Variants in NTMT2 observed in about 807,000 individuals in gnomAD.
The protein encoded by NTMT2 is N-terminal Xaa-Pro-Lys N-methyltransferase 2, also known as X-Pro-Lys N-terminal protein methyltransferase 1B.
NTMT2 carries 21 observed loss-of-function variants against 23.4 expected under a neutral mutation model. The observed-to-expected ratio is 0.90, with a 90% CI of 0.64 to 1.29. NTMT2 has a LOEUF of 1.29. NTMT2 is among the 50% of genes most tolerant of loss of function. The pLI is 0.00. For missense variants in NTMT2, 336 were observed against 352.0 expected, an observed-to-expected ratio of 0.95 and a Z score of 0.36; for synonymous variants, 131 against 127.7, an observed-to-expected ratio of 1.03 and a Z score of -0.17.
intron 1 of NTMT2, among the ~76,000 whole-genome samples, chr1:170,150,860 G>T (rs1673054695): frequency 6.6e-6 from 1 of 152,156 alleles, no homozygotes; most frequent in South Asian, 2.1e-4. Context: ...GAAATCTCCA[G>T]TGTGTATACC....
chr1:170,167,641 C>T lies in NTMT2; in HGVS notation c.736C>T (p.Arg246Trp), dbSNP rs766426941. ...TGTGACTCGGGACATGGACATCCTC[C>T]GGAGCCTAATAAGGAAGAGTGGGCT... ...SSVTRDMDIL[R>W]SLIRKSGLVV... The change falls in exon 4 of 4, where the codon CGG (arginine) becomes TGG (tryptophan). Residue 246 changes from arginine to tryptophan, a missense_variant. Physicochemically the swap from Arg to Trp is moderately radical, Grantham distance 101. Transcript: ENST00000439373. The T allele has an allele frequency of 7.0e-5, 109 of 1,551,542 alleles. No individual in the cohort carries two copies. The highest frequency in any genetic ancestry group is 1.7e-4 in the Middle Eastern group (1 of 6,014).
intron 1 of NTMT2, among the ~76,000 whole-genome samples, chr1:170,157,155 G>A (rs1240555809): frequency 2.0e-5 from 3 of 152,120 alleles, no homozygotes; most frequent in Non-Finnish European, 4.4e-5. Flanking sequence ...TAAGTCACTT[G>A]CTGCGTATAC....
chr1:170,146,367 CAA>C (rs1010072103), intron 1 of NTMT2, 106 bp downstream of exon 1: 1 of 1,059,200 alleles, frequency 9.4e-7, no homozygotes, highest in African/African-American at 1.7e-5. Context: ...ACTTTTCAGA[CAA>C]AAAAAACTCC....
At position 170,166,719 on chromosome 1, in the gene NTMT2, G is replaced by T. The variant is rs1040023541; in HGVS notation, c.548G>T (p.Arg183Ile). Residue 183 changes from arginine (R) to isoleucine (I), a missense_variant, in exon 3 of 4, where the codon AGA becomes ATA. Transcript: ENST00000439373. Reference sequence around the variant, plus strand: ...CAGGAATTCACACCCCCCTTCAGGAGATATGATGTCATCTGGATTCAGTGG... The same window carrying T: ...CAGGAATTCACACCCCCCTTCAGGATATATGATGTCATCTGGATTCAGTGG... ...SLQEFTPPFR[R>I]YDVIWIQWVS... is the part of the protein sequence containing the mutation. The T allele has an allele frequency of 1.3e-6, 2 of 1,552,252 alleles. No homozygotes were observed. Among genetic ancestry groups the T allele is most frequent in the African/African-American group, 2.7e-5 (2 of 73,054 alleles).
At chr1:170,154,213 G>A (rs1275850877) in intron 1 of NTMT2, among the ~76,000 whole-genome samples, 2 of 152,088 alleles carry the variant, frequency 1.3e-5, no homozygotes, top group Non-Finnish European at 2.9e-5. Context: ...GAATGTATGG[G>A]CAATCCTGGG....
At chr1:170,160,957 G>T (rs756331450) in intron 2 of NTMT2, among the ~76,000 whole-genome samples, 38 of 152,180 alleles carry the variant, frequency 2.5e-4, no homozygotes, top group Non-Finnish European at 4.0e-4. Flanking sequence ...AGGTGAATTA[G>T]CAGTGTTGAT....
intron 2 of NTMT2, 130 bp downstream of exon 2, chr1:170,160,823 C>A: frequency 5.6e-6 from 4 of 718,542 alleles, no homozygotes; most frequent in Non-Finnish European, 6.4e-6. Context: ...CGCCTGCAAG[C>A]CGGTTTTAAG....
chr1:170,153,583 C>T (rs1191400360), intron 1 of NTMT2, among the ~76,000 whole-genome samples: 2 of 152,184 alleles, frequency 1.3e-5, no homozygotes, highest in Non-Finnish European at 2.9e-5. Context: ...TATCCATGTC[C>T]TAGGGATCTC....
chr1:170,166,620 C>G lies in NTMT2; in HGVS notation c.449C>G (p.Ser150Cys). 6.4e-7 allele frequency: 1 copy of G among 1,551,740 alleles called. No individual in the cohort carries two copies. Among genetic ancestry groups the G allele is most frequent in the Non-Finnish European group, 8.7e-7 (1 of 1,146,996 alleles). The change falls in exon 3 of 4, where the codon TCC (serine) becomes TGC (cysteine). Residue 150 changes from serine to cysteine, a missense_variant. Coordinates refer to ENST00000439373, the MANE Select transcript of NTMT2 (RefSeq NM_001136107.2). ...NSVELVDMME[S>C]FLLEAQNYLQ... ...GTGGAGCTGGTGGATATGATGGAAT[C>G]CTTTCTCCTTGAAGCCCAGAACTAC...
At chr1:170,152,716 C>CCG (rs1054325735) in intron 1 of NTMT2, among the ~76,000 whole-genome samples, 2 of 151,938 alleles carry the variant, frequency 1.3e-5, no homozygotes, top group African/African-American at 4.8e-5. Context: ...AATCCCCCCC[C>CCG]CACCACCATT....
intron 1 of NTMT2, among the ~76,000 whole-genome samples, chr1:170,151,035 A>G (rs1015527299): frequency 6.6e-6 from 1 of 152,170 alleles, no homozygotes; most frequent in African/African-American, 2.4e-5. Context: ...GCAAAAGTCT[A>G]TTACTCCTAG....
intron 1 of NTMT2, among the ~76,000 whole-genome samples, chr1:170,157,386 A>G (rs1673184831): frequency 6.6e-6 from 1 of 152,164 alleles, no homozygotes. Context: ...GAGGATATAA[A>G]TAATATTGGT....
At chr1:170,157,326 A>T (rs7355043) in intron 1 of NTMT2, among the ~76,000 whole-genome samples, 12,125 of 152,230 alleles carry the variant, frequency 0.08, 536 homozygotes, top group Middle Eastern at 0.13. Flanking sequence ...AACTTTTAAA[A>T]GATTTATATT....
chr1:170,152,873 C>A (rs576780414), intron 1 of NTMT2, among the ~76,000 whole-genome samples: 1 of 152,258 alleles, frequency 6.6e-6, no homozygotes, highest in South Asian at 2.1e-4. Context: ...GGATATTTGT[C>A]TCATCCAAAT....
At chr1:170,154,636 T>C (rs760282069) in intron 1 of NTMT2, among the ~76,000 whole-genome samples, 1 of 152,178 alleles carries the variant, frequency 6.6e-6, no homozygotes, top group Admixed American at 6.5e-5. Context: ...TGTATCCCCA[T>C]TGTATCATGG....
intron 3 of NTMT2, among the ~76,000 whole-genome samples, 168 bp from the exon 4 acceptor site, chr1:170,167,318 G>A (rs1007861982): frequency 1.3e-5 from 2 of 152,126 alleles, no homozygotes; most frequent in African/African-American, 4.8e-5. Context: ...AAGAGGATAT[G>A]TGTCCTCTTA....
chr1:170,165,404 A>G (rs1673360729), intron 2 of NTMT2, among the ~76,000 whole-genome samples: 1 of 152,196 alleles, frequency 6.6e-6, no homozygotes, highest in African/African-American at 2.4e-5. Context: ...AGTTTCTGGT[A>G]CCAAAAAAAC....
At chr1:170,155,230 AG>A (rs1248356904) in intron 1 of NTMT2, among the ~76,000 whole-genome samples, 4 of 152,172 alleles carry the variant, frequency 2.6e-5, no homozygotes, top group Non-Finnish European at 5.9e-5. Context: ...AGCCTAACAC[AG>A]GTATCATTAC....
intron 3 of NTMT2, among the ~76,000 whole-genome samples, chr1:170,166,982 C>A (rs1372996725): frequency 1.3e-5 from 2 of 152,132 alleles, no homozygotes; most frequent in African/African-American, 4.8e-5. Context: ...GTTCTCGAAC[C>A]AACTTAAATG....
Sources: allele counts gnomAD v4.1 joint callset (sites outside exome capture counted in the v4.1 genomes callset), GRCh38; gene constraint gnomAD v4.1.1; transcripts MANE v1.5; gene names NCBI Gene and HGNC (gene_info 2026-07-23, HGNC 2026-07-21).